Variants in CFLAR observed in about 807,000 individuals in gnomAD.
CFLAR encodes CASP8 and FADD like apoptosis regulator.
A neutral mutation model predicts 51.1 loss-of-function variants in CFLAR; 14 were observed. That is an observed-to-expected ratio of 0.27 (90% CI 0.18 to 0.43). CFLAR has a LOEUF of 0.43. Ranked by LOEUF, CFLAR falls within the 20% of genes least tolerant of loss-of-function variation. CFLAR has a pLI of 1.00. For synonymous variants in CFLAR, 210 were observed against 211.6 expected, an observed-to-expected ratio of 0.99 and a Z score of 0.06; for missense variants, 390 against 566.5, an observed-to-expected ratio of 0.69 and a Z score of 3.16.
At chr2:201,163,195 A>AT in intron 9 of CFLAR, 1 of 1,150,862 alleles carries the variant, frequency 8.7e-7, no homozygotes, top group Non-Finnish European at 1.2e-6. Flanking sequence ...GTGGTATCTG[A>AT]CTGTTCAGAT....
At position 201,149,057 on chromosome 2, in the gene CFLAR, A is replaced by G. The variant is rs761944879; in HGVS notation, c.711+5A>G. The G allele has an allele frequency of 2.5e-6, 4 of 1,590,264 alleles. No homozygotes were observed. The highest frequency in any genetic ancestry group is 3.5e-6 in the Non-Finnish European group (4 of 1,158,442). ...TCAGAAGCTTTTTTGCCTCAGGTACAGAATAAATGATCTGATTTGGTATTA... is the reference window on the plus strand; with the variant it reads ...TCAGAAGCTTTTTTGCCTCAGGTACGGAATAAATGATCTGATTTGGTATTA... On this transcript the variant is annotated splice_donor_5th_base_variant and intron_variant, in intron 7 of 9. Transcript: ENST00000309955.
chr2:201,127,176 T>C (rs2048790896), intron 1 of CFLAR, among the ~76,000 whole-genome samples: 1 of 152,096 alleles, frequency 6.6e-6, no homozygotes, highest in Non-Finnish European at 1.5e-5. Context: ...TCTTGATCAG[T>C]CAGGAGGATT....
In CFLAR at chr2:201,141,615, T is replaced by C. The variant is rs1361695185; in HGVS notation, c.606+1176T>C. On this transcript the variant is annotated intron_variant, in intron 5 of 9. Transcript: ENST00000309955. Reference sequence around the variant, plus strand: ...GTACTTCTTTGTGCATTTGTTTTTTTACTGAGCTAATTTTAATGATTTCAG... The same window carrying C: ...GTACTTCTTTGTGCATTTGTTTTTTCACTGAGCTAATTTTAATGATTTCAG... 3 of 1,315,238 alleles carry C rather than the reference T, an allele frequency of 2.3e-6. No individual in the cohort carries two copies. In the African/African-American group the frequency reaches 4.5e-5, roughly 20 times the overall value. The allele number at this position is 1,315,238 out of a possible 1,614,324, so 81.5% of individuals were successfully genotyped here. A position where few individuals can be genotyped will look rare whatever the true frequency, so the allele number is the denominator to read the frequency against.
At chr2:201,133,160 G>A in intron 3 of CFLAR, 26 bp downstream of exon 3, 1 of 1,566,370 alleles carries the variant, frequency 6.4e-7, no homozygotes, top group Non-Finnish European at 8.8e-7. Context: ...TTGGTTCATG[G>A]CCCCAGGAGC....
Position 201,149,813 on chromosome 2 carries a change from C to A in CFLAR, c.771C>A (p.Ile257=). 6.2e-7 allele frequency: 1 copy of A among 1,613,470 alleles called. No individual in the cohort carries two copies. The highest frequency in any genetic ancestry group is 1.1e-5 in the South Asian group (1 of 91,030). The change falls in exon 8 of 10, where the codon ATC becomes ATA. Residue 257 remains isoleucine, a synonymous_variant. Transcript: ENST00000309955. ...KSKPLGICLI[I]DCIGNETELL... is the part of the protein sequence containing the mutation. ...AGCCCCTAGGAATCTGCCTGATAAT[C>A]GATTGCATTGGCAATGAGACAGGTA...
intron 6 of CFLAR, chr2:201,148,680 A>G: frequency 3.6e-6 from 1 of 276,614 alleles, no homozygotes; most frequent in Non-Finnish European, 7.1e-6. Flanking sequence ...TTGGGTGGTG[A>G]GGTTATTAGA....
chr2:201,122,591 CAT>C (rs1451135123), intron 1 of CFLAR: 4 of 152,202 alleles, frequency 2.6e-5, no homozygotes, highest in Non-Finnish European at 4.4e-5. Flanking sequence ...AGGACCTCCA[CAT>C]ATGACAGTAC....
At chr2:201,146,703 T>A (rs1479946113) in intron 6 of CFLAR, 5 of 152,446 alleles carry the variant, frequency 3.3e-5, no homozygotes, top group Non-Finnish European at 7.3e-5. Context: ...TGGGCTGTGA[T>A]GGAGGGCTTC....
chr2:201,144,988 G>A (rs1165390716), intron 5 of CFLAR, among the ~76,000 whole-genome samples: 1 of 152,052 alleles, frequency 6.6e-6, no homozygotes, highest in Non-Finnish European at 1.5e-5. Flanking sequence ...GAGAAGCTGG[G>A]ATTACAGGGG....
chr2:201,160,546 G>A lies in CFLAR; in HGVS notation c.908G>A (p.Arg303Gln), dbSNP rs143630925. Reference sequence around the variant, plus strand: ...CAATTTGCCTGTATGCCCGAGCACCGAGACTACGACAGCTTTGTGTGTGTC... The same window carrying A: ...CAATTTGCCTGTATGCCCGAGCACCAAGACTACGACAGCTTTGTGTGTGTC... The part of the protein sequence containing the change: ...LGQFACMPEH[R>Q]DYDSFVCVLV... Residue 303 changes from arginine (R) to glutamine (Q), a missense_variant, in exon 9 of 10, where the codon CGA becomes CAA. Arg to Gln is a conservative substitution (Grantham distance 43). Around this residue, in one of 2 missense-constraint regions of CFLAR, gnomAD observed 287 missense variants for 363.6 expected, o/e 0.79. Coordinates refer to ENST00000309955, the MANE Select transcript of CFLAR (RefSeq NM_003879.7). 1.9e-4 allele frequency: 309 copies of A among 1,613,944 alleles called. No individual in the cohort carries two copies. In the African/African-American group the frequency reaches 3.4e-3, roughly 18 times the overall value.
rs13034255 is a variant in CFLAR at position 201,170,341 on chromosome 2, G to C, written c.*6368G>C. 4.2e-3 allele frequency: 640 copies of C among 151,998 alleles called. 10 individuals carry two copies. Among genetic ancestry groups the C allele is most frequent in the African/African-American group, 0.015 (610 of 41,470 alleles). 9.4% of individuals were successfully genotyped at this position (151,998 alleles called of 1,614,324 possible). ...TTCTTTTAATTGGTTATTACTGAAC[G>C]TGAAAAAGTAATGTTTGTATTGAAA... On this transcript the variant is annotated 3_prime_UTR_variant, in exon 10 of 10. Transcript: ENST00000309955.
At chr2:201,155,739 T>C (rs1326981666) in intron 8 of CFLAR, among the ~76,000 whole-genome samples, 4 of 151,936 alleles carry the variant, frequency 2.6e-5, no homozygotes, top group Admixed American at 2.0e-4. Flanking sequence ...TCCTCTCACC[T>C]CACCCTCCCA....
chr2:201,143,732 G>C (rs918105351), intron 5 of CFLAR, among the ~76,000 whole-genome samples: 10 of 152,288 alleles, frequency 6.6e-5, no homozygotes, highest in African/African-American at 2.4e-4. Flanking sequence ...GGGAGGCCGA[G>C]GCAGGTGGAT....
At position 201,175,787 on chromosome 2, in the gene CFLAR, G is replaced by A. The variant is rs561881710; in HGVS notation, c.*11814G>A. ...AAGGCAGAAGGAGGGACCGAGGCAAGTTTCAGAGCAACAGTGAAAGTTTAT... is the reference window on the plus strand; with the variant it reads ...AAGGCAGAAGGAGGGACCGAGGCAAATTTCAGAGCAACAGTGAAAGTTTAT... On this transcript the variant is annotated 3_prime_UTR_variant, in exon 10 of 10. Transcript: ENST00000309955. 118 of 151,808 alleles carry A rather than the reference G, an allele frequency of 7.8e-4. 1 individual carries two copies. The highest frequency in any genetic ancestry group is 2.5e-3 in the African/African-American group (105 of 41,410). 9.4% of individuals were successfully genotyped at this position (151,808 alleles called of 1,614,324 possible).
intron 1 of CFLAR, among the ~76,000 whole-genome samples, chr2:201,128,543 T>C (rs1354423777): frequency 5.3e-5 from 8 of 152,220 alleles, no homozygotes; most frequent in Non-Finnish European, 1.0e-4. Context: ...TATTTATGTG[T>C]TTTTATTTTA....
At chr2:201,132,897 G>A in intron 2 of CFLAR, 132 bp from the exon 3 acceptor site, 1 of 801,474 alleles carries the variant, frequency 1.2e-6, no homozygotes, top group Non-Finnish European at 1.9e-6. Flanking sequence ...GCTGTTTTAT[G>A]AGGGAGGGAC....
intron 8 of CFLAR, among the ~76,000 whole-genome samples, chr2:201,156,520 T>C (rs1370307083): frequency 6.6e-6 from 1 of 152,242 alleles, no homozygotes; most frequent in Non-Finnish European, 1.5e-5. Flanking sequence ...ATGAAGCCCT[T>C]TTCATAGAAA....
rs1944061919 is a variant in CFLAR, at chr2:201,172,183, C to T, written c.*8210C>T. On this transcript the variant is annotated 3_prime_UTR_variant, in exon 10 of 10. Coordinates refer to ENST00000309955, the MANE Select transcript of CFLAR (RefSeq NM_003879.7). ...CCTAAACACTTTACCTGATGAAGAGCCTGGCATACACATAAATATATATTG... is the reference window on the plus strand; with the variant it reads ...CCTAAACACTTTACCTGATGAAGAGTCTGGCATACACATAAATATATATTG... The T allele has an allele frequency of 6.6e-6, 1 of 151,986 alleles. No individual in the cohort carries two copies. The highest frequency in any genetic ancestry group is 2.4e-5 in the African/African-American group (1 of 41,370). The allele number at this position is 151,986 out of a possible 1,614,324, so 9.4% of individuals were successfully genotyped here.
chr2:201,151,984 TG>T (rs1490503214), intron 8 of CFLAR, among the ~76,000 whole-genome samples: 2 of 151,500 alleles, frequency 1.3e-5, no homozygotes. Flanking sequence ...TTTTTTTTAA[TG>T]TTTTTTTTTT....
Sources: gnomAD v4.1 joint callset for allele counts (sites outside exome capture counted in the v4.1 genomes callset) on GRCh38, gnomAD v4.1.1 for gene constraint, gnomAD v4.1.1 regional missense constraint, MANE v1.5 for transcripts, NCBI Gene and HGNC (gene_info 2026-07-23, HGNC 2026-07-21) for gene names.